The following GALNTL6 variants were observed in gnomAD, a reference collection of about 807,000 sequenced individuals.
The protein encoded by GALNTL6 is polypeptide N-acetylgalactosaminyltransferase like 6, also known as polypeptide N-acetylgalactosaminyltransferase-like 6.
GALNTL6 carries 46 observed loss-of-function variants against 73.7 expected under a neutral mutation model. The ratio of observed to expected loss-of-function variants is 0.62; its 90% CI spans 0.49 to 0.80. The LOEUF (loss-of-function observed/expected upper bound fraction) is 0.80, where lower values mean the gene tolerates loss of function less well. Among genes scored for constraint, GALNTL6 ranks in the 30% least tolerant of loss-of-function variants. GALNTL6 has a pLI of 0.00. For synonymous variants in GALNTL6, 259 were observed against 263.7 expected (o/e 0.98, Z 0.17); for missense variants, 604 against 755.0 (o/e 0.80, Z 2.34).
At chr4:172,819,934 C>T (rs540735654) in intron 7 of GALNTL6, among the ~76,000 whole-genome samples, 2 of 152,178 alleles carry the variant, frequency 1.3e-5, no homozygotes, top group East Asian at 1.9e-4. Context: ...CCCTAAAACA[C>T]GACAATGCAG....
At chr4:172,229,624 T>C in intron 2 of GALNTL6, 32 bp from the exon 3 acceptor site, 2 of 1,441,326 alleles carry the variant, frequency 1.4e-6, no homozygotes, top group South Asian at 1.2e-5. Flanking sequence ...AAATACCTCC[T>C]TTTTATGCTT....
Position 173,004,503 on chromosome 4 carries a change from G to A in GALNTL6, c.1372-4675G>A, listed in dbSNP as rs115416242. ...TAGCTGGGAGTAGTGGTGCATGATT[G>A]TAATCCCAGCTATTTGGGAGGCTGA... is the stretch of plus-strand genomic sequence containing the variant. On this transcript the variant is annotated intron_variant, in intron 10 of 12. Transcript: ENST00000506823. Among the ~76,000 whole-genome samples, 1,350 of 152,226 alleles carry A rather than the reference G, an allele frequency of 8.9e-3. 24 individuals are homozygous for A. Among genetic ancestry groups the A allele is most frequent in the African/African-American group, 0.031 (1,273 of 41,512 alleles).
intron 6 of GALNTL6, among the ~76,000 whole-genome samples, chr4:172,812,394 A>T (rs1457880642): frequency 6.6e-6 from 1 of 152,238 alleles, no homozygotes; most frequent in Non-Finnish European, 1.5e-5. Context: ...TTATTGTCAC[A>T]TCTAAAGGTC....
At chr4:172,370,107 G>C (rs1429216260) in intron 5 of GALNTL6, among the ~76,000 whole-genome samples, 1 of 152,182 alleles carries the variant, frequency 6.6e-6, no homozygotes, top group African/African-American at 2.4e-5. Context: ...CTGGATAGGG[G>C]TGAAGAAGGG....
chr4:172,419,916 C>T (rs953874980), intron 5 of GALNTL6, among the ~76,000 whole-genome samples: 1 of 152,140 alleles, frequency 6.6e-6, no homozygotes, highest in East Asian at 1.9e-4. Flanking sequence ...ACAAAAGTTT[C>T]AGAATTTCTT....
At chr4:172,101,419 TC>T (rs763059420) in intron 2 of GALNTL6, among the ~76,000 whole-genome samples, 1 of 152,198 alleles carries the variant, frequency 6.6e-6, no homozygotes, top group Non-Finnish European at 1.5e-5. Flanking sequence ...GTTCTAACAT[TC>T]TAATTCTCAC....
chr4:172,484,788 A>G (rs576349126), intron 5 of GALNTL6, among the ~76,000 whole-genome samples: 1 of 152,208 alleles, frequency 6.6e-6, no homozygotes, highest in Non-Finnish European at 1.5e-5. Context: ...ACAGAAGAAT[A>G]AGATTTTTCT....
intron 8 of GALNTL6, among the ~76,000 whole-genome samples, chr4:172,891,690 A>T (rs1231024337): frequency 6.6e-6 from 1 of 152,152 alleles, no homozygotes; most frequent in African/African-American, 2.4e-5. Context: ...CCTCTCTAGC[A>T]AGACTGGAAA....
intron 2 of GALNTL6, among the ~76,000 whole-genome samples, chr4:172,053,600 A>G (rs1730939897): frequency 6.6e-6 from 1 of 152,202 alleles, no homozygotes; most frequent in Non-Finnish European, 1.5e-5. Context: ...TTATCCCACT[A>G]CAAGCGAACT....
chr4:172,708,581 A>G (rs1023984601), intron 5 of GALNTL6, among the ~76,000 whole-genome samples: 2 of 152,222 alleles, frequency 1.3e-5, no homozygotes, highest in African/African-American at 4.8e-5. Context: ...AAGAATTGTC[A>G]TAATACAAAC....
At chr4:172,434,409 T>C (rs1731563814) in intron 5 of GALNTL6, among the ~76,000 whole-genome samples, 1 of 152,154 alleles carries the variant, frequency 6.6e-6, no homozygotes, top group Non-Finnish European at 1.5e-5. Flanking sequence ...TGTATATTTA[T>C]GCTGTAATTA....
intron 2 of GALNTL6, among the ~76,000 whole-genome samples, chr4:171,955,356 C>T (rs971068821): frequency 5.5e-5 from 8 of 144,344 alleles, no homozygotes; most frequent in African/African-American, 1.0e-4. Flanking sequence ...ATATATAATA[C>T]GAATGAAATA....
intron 2 of GALNTL6, among the ~76,000 whole-genome samples, chr4:172,069,151 C>T (rs1300521825): frequency 9.2e-6 from 1 of 108,962 alleles, no homozygotes; most frequent in Admixed American, 9.6e-5. Flanking sequence ...AAATCCTTGA[C>T]AATGTTATTG....
At chr4:171,821,317 A>G (rs1322759173) in intron 2 of GALNTL6, among the ~76,000 whole-genome samples, 2 of 152,140 alleles carry the variant, frequency 1.3e-5, no homozygotes. Context: ...CCGGGATTGC[A>G]AGCATGAGCC....
intron 5 of GALNTL6, among the ~76,000 whole-genome samples, chr4:172,471,570 T>G (rs996355539): frequency 6.6e-6 from 1 of 152,204 alleles, no homozygotes; most frequent in Non-Finnish European, 1.5e-5. Flanking sequence ...TCTTCTTTTT[T>G]TATGACACAT....
rs141253270 is a variant in GALNTL6, at chr4:172,750,729, T to C, written c.554-58632T>C. ...TATAATTTTGCTTCAAGGTCAAACA[T>C]ATTTTGGAAAACTCAAAAGAAGAAG... On this transcript the variant is annotated intron_variant, in intron 5 of 12. Transcript: ENST00000506823. Among the ~76,000 whole-genome samples, 202 of 152,326 alleles carry C rather than the reference T, an allele frequency of 1.3e-3. 1 individual carries two copies. Among genetic ancestry groups the C allele is most frequent in the African/African-American group, 4.6e-3 (193 of 41,584 alleles).
At chr4:172,739,005 G>T (rs1335785014) in intron 5 of GALNTL6, among the ~76,000 whole-genome samples, 1 of 152,154 alleles carries the variant, frequency 6.6e-6, no homozygotes, top group Non-Finnish European at 1.5e-5. Flanking sequence ...GCTTCAGGGA[G>T]AATAAATTGT....
intron 2 of GALNTL6, among the ~76,000 whole-genome samples, chr4:172,135,896 G>A (rs766086701): frequency 3.3e-5 from 5 of 152,064 alleles, no homozygotes; most frequent in Non-Finnish European, 7.4e-5. Context: ...AGTTTTAATT[G>A]CATAAGTTAA....
At chr4:172,178,228 G>A (rs556747200) in intron 2 of GALNTL6, among the ~76,000 whole-genome samples, 13 of 152,084 alleles carry the variant, frequency 8.5e-5, no homozygotes, top group African/African-American at 2.2e-4. Flanking sequence ...TTTGAACAGC[G>A]CCTGACAAAT....
Sources: gnomAD v4.1 joint callset for allele counts (sites outside exome capture counted in the v4.1 genomes callset) on GRCh38, gnomAD v4.1.1 for gene constraint, MANE v1.5 for transcripts, NCBI Gene and HGNC (gene_info 2026-07-23, HGNC 2026-07-21) for gene names.